The following CTPS1 variants were observed in gnomAD, a reference collection of about 807,000 sequenced individuals.
The protein encoded by CTPS1 is CTP synthetase 1.
In CTPS1, 25 loss-of-function variants were observed where a neutral mutation model predicts 80.5. That is an observed-to-expected ratio of 0.31 (90% CI 0.23 to 0.43). CTPS1 has a LOEUF of 0.43. Ranked by LOEUF, CTPS1 falls within the 20% of genes least tolerant of loss-of-function variation. The pLI is 1.00. For missense variants in CTPS1, 442 were observed against 725.7 expected (o/e 0.61, Z 4.49); for synonymous variants, 267 against 252.5 (o/e 1.06, Z -0.54).
At chr1:41,005,978 T>G in intron 12 of CTPS1, 73 bp from the exon 13 acceptor site, 1 of 1,240,284 alleles carries the variant, frequency 8.1e-7, no homozygotes, top group Non-Finnish European at 1.2e-6. Flanking sequence ...AAGTTGTGTT[T>G]AGAGCTTAGC....
chr1:40,992,423 T>G (rs1039936399), intron 7 of CTPS1, among the ~76,000 whole-genome samples: 1 of 152,130 alleles, frequency 6.6e-6, no homozygotes, highest in Non-Finnish European at 1.5e-5. Flanking sequence ...GGCCACCTCA[T>G]TCAACTTTCT....
chr1:40,987,033 G>A (rs1184100526), intron 3 of CTPS1, among the ~76,000 whole-genome samples: 3 of 152,148 alleles, frequency 2.0e-5, no homozygotes, highest in Non-Finnish European at 4.4e-5. Flanking sequence ...AGTGTAATGT[G>A]CCTACCTTCA....
At chr1:40,998,396 TAAAAAAAAAAAAAA>T (rs56282224) in intron 9 of CTPS1, among the ~76,000 whole-genome samples, 3 of 64,588 alleles carry the variant, frequency 4.6e-5, no homozygotes, top group South Asian at 6.9e-4. Flanking sequence ...AGACTCTGTC[TAAAAAAAAAAAAAA>T]AAAAAAAAAA....
chr1:40,985,239 T>C (rs6600362), intron 3 of CTPS1, among the ~76,000 whole-genome samples: 121,368 of 152,288 alleles, frequency 0.8, 48,549 homozygotes, highest in Middle Eastern at 0.84. Context: ...TCAATTCTGC[T>C]AAGGCAGCAT....
At position 41,007,485 on chromosome 1, in the gene CTPS1, G is replaced by A. The variant is rs1487911150; in HGVS notation, c.1333G>A (p.Gly445Ser). ...DMPEHNPGQM[G>S]GTMRLGKRRT... ...GCCAGAACACAACCCAGGGCAGATGGGCGGAACCATGAGGCTGGGCAAGAG... is the reference window on the plus strand; with the variant it reads ...GCCAGAACACAACCCAGGGCAGATGAGCGGAACCATGAGGCTGGGCAAGAG... The change falls in exon 14 of 19, where the codon GGC becomes AGC. Residue 445 changes from glycine (G) to serine (S), a missense_variant. Physicochemically the swap from Gly to Ser is moderately conservative, Grantham distance 56. This residue lies in a region of CTPS1 where 321 missense variants were observed against 467.2 expected (regional missense o/e 0.69). Transcript: ENST00000650070. The surrounding 1 kb of genome is among the most constrained non-coding windows in gnomAD (Gnocchi z 4.4). The A allele has an allele frequency of 6.2e-7, 1 of 1,614,156 alleles. No individual in the cohort carries two copies. Among genetic ancestry groups the A allele is most frequent in the Non-Finnish European group, 8.5e-7 (1 of 1,180,042 alleles).
intron 8 of CTPS1, among the ~76,000 whole-genome samples, chr1:40,996,542 G>C (rs1030446154): frequency 6.6e-6 from 1 of 152,174 alleles, no homozygotes; most frequent in African/African-American, 2.4e-5. Flanking sequence ...ATCCTTTTAA[G>C]GCTCGGTGAT....
At chr1:41,006,200 C>T (rs1468671713) in intron 13 of CTPS1, 106 bp downstream of exon 13, 1 of 945,890 alleles carries the variant, frequency 1.1e-6, no homozygotes. Context: ...TTGAGTCCAT[C>T]CCAAAGAACC....
At chr1:40,997,967 G>A (rs1642798125) in intron 9 of CTPS1, among the ~76,000 whole-genome samples, 1 of 152,168 alleles carries the variant, frequency 6.6e-6, no homozygotes, top group South Asian at 2.1e-4. Flanking sequence ...AGGTTTCTCT[G>A]GGATGCAGGG....
chr1:40,990,152 C>T (rs1020630683), intron 5 of CTPS1, among the ~76,000 whole-genome samples: 13 of 152,174 alleles, frequency 8.5e-5, no homozygotes, highest in Non-Finnish European at 1.9e-4. Flanking sequence ...GCTGCTTTTG[C>T]TCTAGAACAG....
At chr1:41,002,575 G>A (rs1196079062) in intron 11 of CTPS1, among the ~76,000 whole-genome samples, 1 of 152,220 alleles carries the variant, frequency 6.6e-6, no homozygotes, top group African/African-American at 2.4e-5. Flanking sequence ...ACAGCTGACT[G>A]TAATTGGACA....
At chr1:41,004,598 G>A (rs1482479781) in intron 12 of CTPS1, among the ~76,000 whole-genome samples, 4 of 141,016 alleles carry the variant, frequency 2.8e-5, no homozygotes, top group Admixed American at 1.4e-4. Flanking sequence ...AGTGCCCAGC[G>A]TTCACATAGT....
At chr1:40,981,624 T>C (rs956747366) in intron 1 of CTPS1, among the ~76,000 whole-genome samples, 1 of 152,184 alleles carries the variant, frequency 6.6e-6, no homozygotes, top group Non-Finnish European at 1.5e-5. Context: ...TGTATAGCAG[T>C]GATCACAGTG....
intron 1 of CTPS1, chr1:40,980,627 T>G (rs992547175): frequency 2.0e-5 from 3 of 152,248 alleles, no homozygotes; most frequent in Non-Finnish European, 2.9e-5. Context: ...TGATGGGGGC[T>G]GGCACTTCAT....
chr1:40,987,929 T>G (rs191836747), intron 4 of CTPS1, among the ~76,000 whole-genome samples: 2 of 152,186 alleles, frequency 1.3e-5, no homozygotes, highest in Admixed American at 1.3e-4. Flanking sequence ...TACTTTTTTT[T>G]TGAGACAGGG....
chr1:40,980,479 T>G (rs1651830882), intron 1 of CTPS1: 1 of 152,130 alleles, frequency 6.6e-6, no homozygotes, highest in Non-Finnish European at 1.5e-5. Flanking sequence ...GTGGCGCCCT[T>G]CCGTCCACGC....
chr1:40,981,354 A>C (rs935429978), intron 1 of CTPS1: 5 of 152,268 alleles, frequency 3.3e-5, no homozygotes, highest in Admixed American at 2.0e-4. Flanking sequence ...GAACGTAAAG[A>C]GAGATGTTAA....
chr1:40,989,100 G>A (rs988346684), intron 5 of CTPS1, among the ~76,000 whole-genome samples: 5 of 152,310 alleles, frequency 3.3e-5, no homozygotes, highest in East Asian at 3.9e-4. Context: ...TCTTAAGCCC[G>A]CAGCAGTGAA....
At chr1:41,006,284 T>C (rs57319169) in intron 13 of CTPS1, among the ~76,000 whole-genome samples, 190 bp downstream of exon 13, 1,857 of 152,256 alleles carry the variant, frequency 0.012, 44 homozygotes, top group African/African-American at 0.043. Flanking sequence ...CTCCCTAATC[T>C]TTCATTGACC....
rs763044980 is a variant in CTPS1, at chr1:41,002,141, G to T, written c.1095-19G>T. The T allele has an allele frequency of 6.2e-7, 1 of 1,611,876 alleles. No individual in the cohort carries two copies. The highest frequency in any genetic ancestry group is 1.1e-5 in the South Asian group (1 of 91,014). On this transcript the variant is annotated intron_variant, in intron 10 of 18. Transcript: ENST00000650070. ...GGTAGAAAAGGGGAATTGCCTTTGT[G>T]GTTTGTTCTTTTGTGCAGTGGAGTG... is the stretch of plus-strand genomic sequence containing the variant.
Sources: gnomAD v4.1 joint callset for allele counts (sites outside exome capture counted in the v4.1 genomes callset) on GRCh38, gnomAD v4.1.1 for gene constraint, gnomAD v4.1.1 regional missense constraint, Gnocchi (gnomAD v3.1) non-coding constraint, MANE v1.5 for transcripts, NCBI Gene and HGNC (gene_info 2026-07-23, HGNC 2026-07-21) for gene names.